Variants in BRD4 observed in about 807,000 individuals in gnomAD.
BRD4 encodes the protein bromodomain containing 4.
BRD4 carries 16 observed loss-of-function variants against 142.1 expected under a neutral mutation model. That is an observed-to-expected ratio of 0.11 (90% CI 0.08 to 0.17). The LOEUF (loss-of-function observed/expected upper bound fraction) is 0.17, where lower values mean the gene tolerates loss of function less well. Ranked by LOEUF, BRD4 falls within the 10% of genes least tolerant of loss-of-function variation. The pLI, the probability that BRD4 is intolerant of heterozygous loss-of-function variation, is 1.00. For missense variants in BRD4, 1,424 were observed against 1,810.9 expected (o/e 0.79, Z 3.88); for synonymous variants, 833 against 707.5 (o/e 1.18, Z -2.82).
intron 7 of BRD4, among the ~76,000 whole-genome samples, chr19:15,262,917 C>T (rs1271947777): frequency 6.6e-6 from 1 of 152,152 alleles, no homozygotes; most frequent in African/African-American, 2.4e-5. Flanking sequence ...ACGTGTACTT[C>T]ACACTGTGCA....
In BRD4 at chr19:15,283,891, C is replaced by T. The variant is rs1455721356; in HGVS notation, c.-34-10758G>A. Reference sequence around the variant, plus strand: ...TGCTTTCAGAGACACCATGACCCAACACCCCCACCAGCAACATTTTAGCCA... The same window carrying T: ...TGCTTTCAGAGACACCATGACCCAATACCCCCACCAGCAACATTTTAGCCA... On this transcript the variant is annotated intron_variant, in intron 1 of 19. Coordinates refer to ENST00000679869, the MANE Select transcript of BRD4 (RefSeq NM_001379291.1). 2.6e-5 allele frequency among the ~76,000 whole-genome samples: 4 copies of T among 152,300 alleles called. No homozygotes were observed. The East Asian group carries it at 7.7e-4, about 29-fold the overall frequency.
chr19:15,248,603 A>G, intron 11 of BRD4: 1 of 226,244 alleles, frequency 4.4e-6, no homozygotes, highest in Non-Finnish European at 8.8e-6. Flanking sequence ...GCTTTTGGAA[A>G]TGCACGGGAA....
chr19:15,331,660 G>A (rs866139327), intron 1 of BRD4, among the ~76,000 whole-genome samples: 3 of 152,066 alleles, frequency 2.0e-5, no homozygotes, highest in African/African-American at 7.2e-5. Flanking sequence ...GGGGACCGCC[G>A]GGAAGGTGAA....
intron 1 of BRD4, among the ~76,000 whole-genome samples, chr19:15,316,044 T>TA (rs1464903700): frequency 6.8e-6 from 1 of 147,278 alleles, no homozygotes; most frequent in African/African-American, 2.5e-5. Context: ...TGGTCCCAGC[T>TA]ACTTGGGAGG....
chr19:15,270,769 C>A (rs761352932), intron 2 of BRD4, among the ~76,000 whole-genome samples: 5 of 152,056 alleles, frequency 3.3e-5, no homozygotes, highest in Admixed American at 6.5e-5. Flanking sequence ...AAGGAAGTCC[C>A]CAGAATACAG....
intron 1 of BRD4, among the ~76,000 whole-genome samples, chr19:15,326,153 T>TAAAAAAAAAAAAAAAAAAAAAAAAA: frequency 9.9e-6 from 1 of 100,958 alleles, no homozygotes; most frequent in Non-Finnish European, 2.0e-5. Context: ...AATGTAGCAT[T>TAAAAAAAAAAAAAAAAAAAAAAAAA]AAAAAAAAAA....
intron 1 of BRD4, among the ~76,000 whole-genome samples, chr19:15,317,254 G>C (rs1256075472): frequency 6.6e-6 from 1 of 152,200 alleles, no homozygotes; most frequent in South Asian, 2.1e-4. Context: ...AGGACTTAAG[G>C]AATGCGTAGA....
chr19:15,243,564 C>A (rs1231325719), intron 13 of BRD4, 77 bp from the exon 14 acceptor site: 1 of 1,448,844 alleles, frequency 6.9e-7, no homozygotes, highest in African/African-American at 1.5e-5. Context: ...CCATCCTGAC[C>A]TCATCTGGAC....
At chr19:15,276,337 T>C (rs1198667656) in intron 1 of BRD4, among the ~76,000 whole-genome samples, 8 of 152,192 alleles carry the variant, frequency 5.3e-5, no homozygotes, top group African/African-American at 1.9e-4. Context: ...GTCAGCCTCC[T>C]TGGGCGAATT....
intron 1 of BRD4, among the ~76,000 whole-genome samples, chr19:15,323,541 A>G (rs2048082798): frequency 6.6e-6 from 1 of 152,192 alleles, no homozygotes; most frequent in African/African-American, 2.4e-5. Context: ...TTCTTTACAC[A>G]AAACAAAACT....
intron 11 of BRD4, among the ~76,000 whole-genome samples, chr19:15,249,974 T>C (rs1388176513): frequency 6.6e-6 from 1 of 152,204 alleles, no homozygotes; most frequent in Non-Finnish European, 1.5e-5. Context: ...AGTCTTGTCC[T>C]TTCTTTCCTT....
At chr19:15,257,495 A>T (rs1006995429) in intron 7 of BRD4, among the ~76,000 whole-genome samples, 2 of 152,216 alleles carry the variant, frequency 1.3e-5, no homozygotes, top group Non-Finnish European at 2.9e-5. Context: ...CTGAAGTCTG[A>T]GATGGTACTG....
chr19:15,261,954 C>T lies in BRD4; in HGVS notation c.1341+1466G>A, dbSNP rs181032912. 2.0e-3 allele frequency among the ~76,000 whole-genome samples: 309 copies of T among 152,208 alleles called. 2 individuals are homozygous for T. The highest frequency in any genetic ancestry group is 7.2e-3 in the African/African-American group (300 of 41,538). On this transcript the variant is annotated intron_variant, in intron 7 of 19. Coordinates refer to ENST00000679869, the MANE Select transcript of BRD4 (RefSeq NM_001379291.1). Reference sequence around the variant, plus strand: ...CAAGCCTGAGCATGCATTTAAATAACAAGAGCCACATCCACACTAGTAAGA... The same window carrying T: ...CAAGCCTGAGCATGCATTTAAATAATAAGAGCCACATCCACACTAGTAAGA...
chr19:15,239,401 C>T lies in BRD4; in HGVS notation c.3567G>A (p.Ala1189=), dbSNP rs201932061. The T allele has an allele frequency of 3.0e-4, 488 of 1,614,160 alleles. 2 individuals are homozygous for T. Among genetic ancestry groups the T allele is most frequent in the Middle Eastern group, 4.9e-4 (3 of 6,062 alleles). ...GGACCTCCATCCCAACCTTTTTGGG[C>T]GCAACTGGAGTCTTCGGCTCCTGTT... ...KQKQEPKTPV[A]PKKDLKIKNM... The change falls in exon 17 of 20, where the codon GCG becomes GCA. Residue 1189 remains alanine (A), a synonymous_variant. Coordinates refer to ENST00000679869, the MANE Select transcript of BRD4 (RefSeq NM_001379291.1). The surrounding 1 kb of genome is among the most constrained non-coding windows in gnomAD (Gnocchi z 7.4).
At chr19:15,316,179 A>AAAAC (rs1780366702) in intron 1 of BRD4, among the ~76,000 whole-genome samples, 1 of 150,944 alleles carries the variant, frequency 6.6e-6, no homozygotes, top group Non-Finnish European at 1.5e-5. Context: ...AAAAAAAAAA[A>AAAAC]AGACTGAGAA....
intron 1 of BRD4, among the ~76,000 whole-genome samples, chr19:15,310,794 C>T (rs951989223): frequency 2.0e-5 from 3 of 151,842 alleles, no homozygotes; most frequent in Non-Finnish European, 4.4e-5. Context: ...CGTGCCTGGC[C>T]TTAAACAGTC....
chr19:15,272,568 A>G (rs375063826), intron 2 of BRD4, among the ~76,000 whole-genome samples: 7 of 152,236 alleles, frequency 4.6e-5, no homozygotes, highest in African/African-American at 1.7e-4. Context: ...CACTGCTTCA[A>G]CCTCTACACA....
chr19:15,293,046 C>T (rs1034867883), intron 1 of BRD4, among the ~76,000 whole-genome samples: 3 of 151,982 alleles, frequency 2.0e-5, no homozygotes, highest in African/African-American at 4.8e-5. Context: ...CCACAACAGC[C>T]GACTACTGTC....
chr19:15,289,572 T>A (rs2047765493), intron 1 of BRD4, among the ~76,000 whole-genome samples: 2 of 144,748 alleles, frequency 1.4e-5, no homozygotes, highest in Admixed American at 7.1e-5. Flanking sequence ...AATAAATAAA[T>A]AAAATAAATC....
Sources: allele counts gnomAD v4.1 joint callset (sites outside exome capture counted in the v4.1 genomes callset), GRCh38; gene constraint gnomAD v4.1.1; non-coding constraint Gnocchi (gnomAD v3.1); transcripts MANE v1.5; gene names NCBI Gene and HGNC (gene_info 2026-07-23, HGNC 2026-07-21).